CHD7: variants seen among roughly 807,000 people sequenced by gnomAD.
CHD7 encodes the protein ATP-dependent chromatin remodeler CHD7.
In CHD7, 24 loss-of-function variants were observed where a neutral mutation model predicts 307.3. The ratio of observed to expected loss-of-function variants is 0.08; its 90% CI spans 0.06 to 0.11. CHD7 has a LOEUF of 0.11. Among genes scored for constraint, CHD7 ranks in the 10% least tolerant of loss-of-function variants. CHD7 has a pLI of 1.00. For missense variants in CHD7, 3,106 were observed against 3,727.1 expected, an observed-to-expected ratio of 0.83 and a Z score of 4.34; for synonymous variants, 1,363 against 1,349.9, an observed-to-expected ratio of 1.01 and a Z score of -0.21.
rs1220222755 is a variant in CHD7, at chr8:60,774,690, A to G, written c.1666-6310A>G. The stretch of plus-strand genomic sequence containing the variant: ...GAAGGCTGGAAGGGCAGTGGTGGGT[A>G]TGGCGGAGGGTGAAGGAGCTGGGAG... On this transcript the variant is annotated intron_variant, in intron 2 of 37. Coordinates refer to ENST00000423902, the MANE Select transcript of CHD7 (RefSeq NM_017780.4). Among the ~76,000 whole-genome samples, 8 of 152,322 alleles carry G rather than the reference A, an allele frequency of 5.3e-5. No individual in the cohort carries two copies. The South Asian group carries it at 1.0e-3, about 20-fold the overall frequency.
At chr8:60,743,145 A>G (rs778443559) in intron 2 of CHD7, 48 bp downstream of exon 2, 27 of 1,500,918 alleles carry the variant, frequency 1.8e-5, no homozygotes, top group Admixed American at 3.6e-5. Context: ...GAAATTCAAC[A>G]TGGCTAACTT....
chr8:60,842,144 TTG>T, intron 21 of CHD7, 92 bp downstream of exon 21: 1 of 1,054,370 alleles, frequency 9.5e-7, no homozygotes, highest in Non-Finnish European at 1.4e-6. Context: ...GTGTTTGAAT[TTG>T]TGTGACACCC....
chr8:60,679,326 C>A (rs1805443019), intron 1 of CHD7, among the ~76,000 whole-genome samples: 1 of 146,456 alleles, frequency 6.8e-6, no homozygotes, highest in Non-Finnish European at 1.5e-5. Context: ...CCGAGCGCCG[C>A]CCGGCGCCCC....
chr8:60,798,571 T>A (rs1434980890), intron 4 of CHD7, among the ~76,000 whole-genome samples: 1 of 152,208 alleles, frequency 6.6e-6, no homozygotes, highest in East Asian at 1.9e-4. Flanking sequence ...TCATCCTGAC[T>A]TGAGAAATGG....
rs376023992 is a variant in CHD7, at chr8:60,836,793, C to A, written c.3990-24C>A. 1.0e-5 allele frequency: 16 copies of A among 1,601,468 alleles called. No homozygotes were observed. The African/African-American group carries it at 2.1e-4, about 21-fold the overall frequency. On this transcript the variant is annotated intron_variant, in intron 16 of 37. Transcript: ENST00000423902. ...ATGTTGTCGCTATGCGTCAGGCCTCCTTGTTCACACTGATGTTTTCTAGGT... is the reference window on the plus strand; with the variant it reads ...ATGTTGTCGCTATGCGTCAGGCCTCATTGTTCACACTGATGTTTTCTAGGT...
chr8:60,779,536 G>A (rs1811104239), intron 2 of CHD7, among the ~76,000 whole-genome samples: 1 of 152,138 alleles, frequency 6.6e-6, no homozygotes, highest in Non-Finnish European at 1.5e-5. Flanking sequence ...GAGATTCAGG[G>A]GAATTAACAC....
chr8:60,729,246 C>T (rs376969749), intron 1 of CHD7, among the ~76,000 whole-genome samples: 6 of 147,060 alleles, frequency 4.1e-5, no homozygotes, highest in East Asian at 4.1e-4. Context: ...AGGTGCCCAG[C>T]CAAAGCACAG....
intron 31 of CHD7, 139 bp from the exon 32 acceptor site, chr8:60,854,224 C>T (rs948074279): frequency 4.5e-6 from 3 of 664,082 alleles, no homozygotes; most frequent in East Asian, 2.8e-5. Context: ...GACAACAGTG[C>T]CCAATACCAT....
At chr8:60,735,718 TA>T (rs771921479) in intron 1 of CHD7, among the ~76,000 whole-genome samples, 14 of 152,128 alleles carry the variant, frequency 9.2e-5, no homozygotes, top group Non-Finnish European at 1.9e-4. Flanking sequence ...GAGGAGAAAA[TA>T]TTTTTTATGA....
chr8:60,714,140 G>A (rs1807429007), intron 1 of CHD7, among the ~76,000 whole-genome samples: 3 of 152,062 alleles, frequency 2.0e-5, no homozygotes, highest in South Asian at 2.1e-4. Context: ...GTCAGCGCCC[G>A]GAGCCCGCGC....
intron 2 of CHD7, among the ~76,000 whole-genome samples, chr8:60,780,699 G>A (rs541386203): frequency 1.3e-5 from 2 of 152,268 alleles, no homozygotes; most frequent in East Asian, 3.9e-4. Context: ...CCATTTTCAT[G>A]TAGGCTGTTT....
chr8:60,862,243 A>G lies in CHD7; in HGVS notation c.7878A>G (p.Lys2626=). ...LFSSFQKPKQ[K]RHRCRNPNKL... ...CCTCATTTCAGAAACCGAAACAGAA[A>G]CGACATAGATGTCGAAACCCTAATA... is the stretch of plus-strand genomic sequence containing the variant. The change falls in exon 36 of 38, where the codon AAA becomes AAG. Residue 2626 remains lysine (K), a synonymous_variant. Coordinates refer to ENST00000423902, the MANE Select transcript of CHD7 (RefSeq NM_017780.4). 2 of 1,611,864 alleles carry G rather than the reference A, an allele frequency of 1.2e-6. No homozygotes were observed. The highest frequency in any genetic ancestry group is 1.7e-6 in the Non-Finnish European group (2 of 1,178,784).
chr8:60,856,077 C>A lies in CHD7; in HGVS notation c.7039C>A (p.Pro2347Thr). 1 of 1,611,556 alleles carries A rather than the reference C, an allele frequency of 6.2e-7. No individual in the cohort carries two copies. The highest frequency in any genetic ancestry group is 2.2e-5 in the East Asian group (1 of 44,832). The change falls in exon 33 of 38, where the codon CCA becomes ACA. Residue 2347 changes from proline (P) to threonine (T), a missense_variant. Coordinates refer to ENST00000423902, the MANE Select transcript of CHD7 (RefSeq NM_017780.4). ...GATGTTTGATTTCCAAGGCCTCATCCCAGGTTACACACCCACCACAGTGGA... is the reference window on the plus strand; with the variant it reads ...GATGTTTGATTTCCAAGGCCTCATCACAGGTTACACACCCACCACAGTGGA... The part of the protein sequence containing the change: ...RQMFDFQGLI[P>T]GYTPTTVDSP...
Position 60,808,253 on chromosome 8 carries a change from T to C in CHD7, c.2479T>C (p.Tyr827His). ...AGAGGAGGTAGAAATTGAGGAATTC[T>C]ATGTGAAATACAAAAACTTGTAAGT... is the stretch of plus-strand genomic sequence containing the variant. ...SGEEVEIEEF[Y>H]VKYKNFSYLH... The change falls in exon 7 of 38, where the codon TAT (tyrosine) becomes CAT (histidine). Residue 827 changes from tyrosine (Y) to histidine (H), a missense_variant. Coordinates refer to ENST00000423902, the MANE Select transcript of CHD7 (RefSeq NM_017780.4). 1 of 1,590,440 alleles carries C rather than the reference T, an allele frequency of 6.3e-7. No individual in the cohort carries two copies. The highest frequency in any genetic ancestry group is 8.6e-7 in the Non-Finnish European group (1 of 1,162,720).
intron 1 of CHD7, among the ~76,000 whole-genome samples, chr8:60,720,561 C>T (rs1393368265): frequency 2.6e-5 from 4 of 152,186 alleles, no homozygotes; most frequent in Non-Finnish European, 5.9e-5. Context: ...GTCCTCTGCA[C>T]CATTGTGCTG....
chr8:60,789,346 T>C (rs148833110), intron 3 of CHD7, among the ~76,000 whole-genome samples: 3 of 152,382 alleles, frequency 2.0e-5, no homozygotes, highest in African/African-American at 7.2e-5. Context: ...TTTAATACCT[T>C]TCAGTCTTTA....
intron 1 of CHD7, among the ~76,000 whole-genome samples, chr8:60,699,706 TC>T (rs1806662704): frequency 6.6e-6 from 1 of 152,120 alleles, no homozygotes; most frequent in African/African-American, 2.4e-5. Flanking sequence ...GAGTTTCTAG[TC>T]CATCTCCATT....
At chr8:60,761,608 G>A (rs74652102) in intron 2 of CHD7, among the ~76,000 whole-genome samples, 3,497 of 151,836 alleles carry the variant, frequency 0.023, 142 homozygotes, top group African/African-American at 0.08. Flanking sequence ...TGGGGGCAAA[G>A]GGGGTTTATG....
chr8:60,734,480 A>G (rs939617994), intron 1 of CHD7, among the ~76,000 whole-genome samples: 18 of 152,150 alleles, frequency 1.2e-4, no homozygotes, highest in African/African-American at 4.3e-4. Flanking sequence ...ATGTGGTGGT[A>G]CTGCTAGCAA....
Sources: gnomAD v4.1 joint callset for allele counts (sites outside exome capture counted in the v4.1 genomes callset) on GRCh38, gnomAD v4.1.1 for gene constraint, MANE v1.5 for transcripts, NCBI Gene and HGNC (gene_info 2026-07-23, HGNC 2026-07-21) for gene names.